Variants in ABCD2 observed in about 807,000 individuals in gnomAD.
The protein encoded by ABCD2 is ATP binding cassette subfamily D member 2.
ABCD2 carries 36 observed loss-of-function variants against 70.9 expected under a neutral mutation model. That is an observed-to-expected ratio of 0.51 (90% CI 0.39 to 0.67). The LOEUF (loss-of-function observed/expected upper bound fraction) is 0.67, where lower values mean the gene tolerates loss of function less well. ABCD2 is among the 30% of genes least tolerant of loss of function. The pLI is 0.00. For missense variants in ABCD2, 729 were observed against 890.2 expected, an observed-to-expected ratio of 0.82 and a Z score of 2.30; for synonymous variants, 304 against 306.9, an observed-to-expected ratio of 0.99 and a Z score of 0.10.
At chr12:39,563,519 A>G (rs1303499044) in intron 9 of ABCD2, among the ~76,000 whole-genome samples, 2 of 152,228 alleles carry the variant, frequency 1.3e-5, no homozygotes, top group African/African-American at 4.8e-5. Flanking sequence ...CAATTAGGCA[A>G]GAAAAAGAAA....
At chr12:39,535,275 CTT>C in the ABCD2 span, among the ~76,000 whole-genome samples, 1 of 152,176 alleles carries the variant, frequency 6.6e-6, no homozygotes, top group Admixed American at 6.5e-5. Flanking sequence ...TAACTCCTAA[CTT>C]TAAGAATAAG....
intron 8 of ABCD2, among the ~76,000 whole-genome samples, chr12:39,578,823 G>GA (rs2120612175): frequency 6.6e-6 from 1 of 151,988 alleles, no homozygotes; most frequent in East Asian, 1.9e-4. Flanking sequence ...GCTGCTGAAT[G>GA]GTTAAAAAGT....
At chr12:39,584,836 G>A (rs557357649) in intron 7 of ABCD2, among the ~76,000 whole-genome samples, 7 of 152,126 alleles carry the variant, frequency 4.6e-5, no homozygotes, top group South Asian at 2.1e-4. Flanking sequence ...GTAGATGTGC[G>A]GCCTTATTTC....
chr12:39,547,949 A>G (rs1941042454), downstream of ABCD2, among the ~76,000 whole-genome samples: 1 of 151,392 alleles, frequency 6.6e-6, no homozygotes, highest in South Asian at 2.1e-4. Context: ...TGTAAAATAT[A>G]TGTATAGAAG....
At chr12:39,582,195 A>G (rs1941605402) in intron 7 of ABCD2, among the ~76,000 whole-genome samples, 1 of 152,090 alleles carries the variant, frequency 6.6e-6, no homozygotes, top group African/African-American at 2.4e-5. Context: ...AATAGTTTTT[A>G]TTATTGTTTA....
chr12:39,618,995 G>A lies in ABCD2; in HGVS notation c.621C>T (p.Asp207=), dbSNP rs1408558761. The change falls in exon 1 of 10, where the codon GAC becomes GAT. Residue 207 remains aspartate, a synonymous_variant. Transcript: ENST00000308666. ...INMDGRLANP[D]QSLTEDIMMF... ...TCATAATATCCTCCGTAAGAGATTG[G>A]TCAGGGTTTGCCAGCCTCCCATCCA... 6.2e-7 allele frequency: 1 copy of A among 1,614,090 alleles called. No homozygotes were observed. Among genetic ancestry groups the A allele is most frequent in the East Asian group, 2.2e-5 (1 of 44,900 alleles).
Position 39,598,661 on chromosome 12 carries a change from A to G in ABCD2, c.1646+1910T>C, listed in dbSNP as rs111349890. Among the ~76,000 whole-genome samples the G allele has an allele frequency of 3.2e-3, 481 of 152,200 alleles. 5 individuals are homozygous for G. The highest frequency in any genetic ancestry group is 0.011 in the African/African-American group (437 of 41,546). On this transcript the variant is annotated intron_variant, in intron 6 of 9. Transcript: ENST00000308666. ...GCGATTCGCCCGCCTCAGCCTCCCA[A>G]AGTGCTGGGATTACAGGCATGAGCC... is the stretch of plus-strand genomic sequence containing the variant.
chr12:39,570,210 A>T (rs966829775), intron 9 of ABCD2, among the ~76,000 whole-genome samples: 1 of 152,258 alleles, frequency 6.6e-6, no homozygotes, highest in African/African-American at 2.4e-5. Context: ...TGCCAATGAT[A>T]GTCTTCAGAG....
At position 39,553,585 on chromosome 12, in the gene ABCD2, T is replaced by G. The variant is rs1441607848; in HGVS notation, c.*327A>C. The G allele has an allele frequency of 9.8e-6, 2 of 204,758 alleles. No individual in the cohort carries two copies. The highest frequency in any genetic ancestry group is 4.6e-5 in the African/African-American group (2 of 43,138). 12.7% of individuals were successfully genotyped at this position (204,758 alleles called of 1,614,324 possible). ...TTAACTTGTTTCATTTCCAGAATAT[T>G]GCCCATGTTTGTTAAGAACTTCAGA... On this transcript the variant is annotated 3_prime_UTR_variant, in exon 10 of 10. Transcript: ENST00000308666.
rs368700283 is a variant in ABCD2, at chr12:39,582,803, CACAAAG to C, written c.1793-3190_1793-3185del. Among the ~76,000 whole-genome samples, 178 of 151,694 alleles carry C rather than the reference CACAAAG, an allele frequency of 1.2e-3. 1 individual carries two copies. The highest frequency in any genetic ancestry group is 3.6e-3 in the African/African-American group (151 of 41,396). ...TTATATAAAACTTCAAGCATTATCA[CACAAAG>C]ACAAAGTACAGTATCAATATTACAA... On this transcript the variant is annotated intron_variant, in intron 7 of 9. Transcript: ENST00000308666.
rs1327217034 is a variant in ABCD2 at position 39,550,520 on chromosome 12, T to C, written c.*3392A>G. The C allele has an allele frequency of 6.6e-6, 1 of 151,814 alleles. No homozygotes were observed. 9.4% of individuals were successfully genotyped at this position (151,814 alleles called of 1,614,324 possible). A position where few individuals can be genotyped will look rare whatever the true frequency, so the allele number is the denominator to read the frequency against. ...TTTGAAAATTTCACAATATGAAATGTAAACCAGCCCTGAACTTGGTAGTCA... is the reference window on the plus strand; with the variant it reads ...TTTGAAAATTTCACAATATGAAATGCAAACCAGCCCTGAACTTGGTAGTCA... On this transcript the variant is annotated 3_prime_UTR_variant, in exon 10 of 10. Transcript: ENST00000308666.
intron 3 of ABCD2, 23 bp downstream of exon 3, chr12:39,607,576 T>C: frequency 6.7e-7 from 1 of 1,501,254 alleles, no homozygotes; most frequent in Non-Finnish European, 9.2e-7. Context: ...TTTAATTGAA[T>C]TGACAATAAG....
intron 8 of ABCD2, among the ~76,000 whole-genome samples, chr12:39,574,908 A>G (rs1941495490): frequency 6.6e-6 from 1 of 152,164 alleles, no homozygotes; most frequent in Non-Finnish European, 1.5e-5. Flanking sequence ...CAGGGCTAAT[A>G]GATACAGGAG....
intron 2 of ABCD2, among the ~76,000 whole-genome samples, chr12:39,610,192 A>G (rs1230324118): frequency 6.6e-6 from 1 of 152,200 alleles, no homozygotes; most frequent in Non-Finnish European, 1.5e-5. Flanking sequence ...AGTTTACAGT[A>G]TGGGTTGACG....
At chr12:39,611,811 GTA>G (rs891398051) in intron 2 of ABCD2, among the ~76,000 whole-genome samples, 64 of 152,108 alleles carry the variant, frequency 4.2e-4, no homozygotes, top group African/African-American at 1.5e-3. Context: ...GTGTGTATGT[GTA>G]TGTGTGTGTG....
intron 7 of ABCD2, among the ~76,000 whole-genome samples, chr12:39,582,649 C>T (rs1941611814): frequency 6.6e-6 from 1 of 152,226 alleles, no homozygotes; most frequent in Non-Finnish European, 1.5e-5. Flanking sequence ...GAGTTGACCA[C>T]ATGAAACAAA....
At chr12:39,600,821 C>G in intron 5 of ABCD2, 105 bp from the exon 6 acceptor site, 3 of 1,040,846 alleles carry the variant, frequency 2.9e-6, no homozygotes, top group Non-Finnish European at 2.8e-6. Flanking sequence ...ACATGATAAC[C>G]TAGGTTGGGC....
intron 2 of ABCD2, among the ~76,000 whole-genome samples, chr12:39,610,684 A>C (rs1178445283): frequency 7.9e-5 from 12 of 152,220 alleles, no homozygotes; most frequent in Admixed American, 3.3e-4. Flanking sequence ...CTGGCATTTC[A>C]TATGGCATGA....
intron 2 of ABCD2, among the ~76,000 whole-genome samples, chr12:39,615,192 A>G (rs191459262): frequency 1.3e-5 from 2 of 151,980 alleles, no homozygotes; most frequent in Non-Finnish European, 2.9e-5. Flanking sequence ...TTCTATGTTG[A>G]ATACTCCAGG....
Sources: gnomAD v4.1 joint callset for allele counts (sites outside exome capture counted in the v4.1 genomes callset) on GRCh38, gnomAD v4.1.1 for gene constraint, MANE v1.5 for transcripts, NCBI Gene and HGNC (gene_info 2026-07-23, HGNC 2026-07-21) for gene names.